The following HDAC9 variants were observed in gnomAD, a reference collection of about 807,000 sequenced individuals.
The protein encoded by HDAC9 is MEF-2 interacting transcription repressor (MITR) protein.
HDAC9 carries 41 observed loss-of-function variants against 139.4 expected under a neutral mutation model. That is an observed-to-expected ratio of 0.29 (90% CI 0.23 to 0.38). The LOEUF (loss-of-function observed/expected upper bound fraction) is 0.38. Ranked by LOEUF, HDAC9 falls within the 10% of genes least tolerant of loss-of-function variation. The pLI, the probability that HDAC9 is intolerant of heterozygous loss-of-function variation, is 1.00. For missense variants in HDAC9, 1,147 were observed against 1,297.0 expected (o/e 0.88, Z 1.78); for synonymous variants, 517 against 476.2 (o/e 1.09, Z -1.12).
At chr7:18,621,408 AAG>A (rs1212768252) in intron 6 of HDAC9, among the ~76,000 whole-genome samples, 1 of 152,070 alleles carries the variant, frequency 6.6e-6, no homozygotes, top group African/African-American at 2.4e-5. Context: ...CACTTTTCAA[AAG>A]ATCATATTGT....
At chr7:18,088,430 G>A (rs6958073) in intron 1 of HDAC9, among the ~76,000 whole-genome samples, 204 of 152,100 alleles carry the variant, frequency 1.3e-3, no homozygotes, top group Non-Finnish European at 2.0e-3. Context: ...AGGCACTGTC[G>A]AAATCTGGAA....
chr7:18,765,346 G>A (rs1481049536), intron 15 of HDAC9, among the ~76,000 whole-genome samples: 1 of 151,982 alleles, frequency 6.6e-6, no homozygotes, highest in Non-Finnish European at 1.5e-5. Context: ...TATTGGCTGG[G>A]CACAGCGGCT....
At position 18,865,506 on chromosome 7, in the gene HDAC9, C is replaced by G. The variant is rs183637410; in HGVS notation, c.2685-8972C>G. 1.3e-4 allele frequency among the ~76,000 whole-genome samples: 20 copies of G among 152,236 alleles called. No individual in the cohort carries two copies. The East Asian group carries it at 3.9e-3, about 29-fold the overall frequency. ...GGGCTGGTGGAGCTAGAGGAGAACA[C>G]CAATTATACCTGGTGTGCTTAGCGC... On this transcript the variant is annotated intron_variant, in intron 21 of 25. Transcript: ENST00000686413.
intron 12 of HDAC9, among the ~76,000 whole-genome samples, chr7:18,685,281 C>T (rs1315167582): frequency 1.3e-5 from 2 of 151,988 alleles, no homozygotes; most frequent in African/African-American, 4.8e-5. Flanking sequence ...TATATCACTC[C>T]CTTTTCCACT....
intron 2 of HDAC9, among the ~76,000 whole-genome samples, chr7:18,264,446 A>G (rs1367597870): frequency 1.3e-5 from 2 of 152,222 alleles, no homozygotes; most frequent in Non-Finnish European, 2.9e-5. Context: ...AAAGCAGGGT[A>G]AACATACATG....
At chr7:18,492,000 C>T (rs993809963), upstream of HDAC9, among the ~76,000 whole-genome samples, 3 of 151,916 alleles carry the variant, frequency 2.0e-5, no homozygotes, top group Non-Finnish European at 2.9e-5. Flanking sequence ...ACTTGGCTCC[C>T]GTAAGTCTCT....
chr7:18,507,170 A>ATATTATTAT (rs59819356), intron 2 of HDAC9, among the ~76,000 whole-genome samples: 8,432 of 144,240 alleles, frequency 0.058, 306 homozygotes, highest in African/African-American at 0.09. Context: ...TATTCATTAC[A>ATATTATTAT]TATTATTATT....
At chr7:18,561,467 C>T (rs561885815) in intron 2 of HDAC9, among the ~76,000 whole-genome samples, 3 of 152,156 alleles carry the variant, frequency 2.0e-5, no homozygotes, top group African/African-American at 7.2e-5. Flanking sequence ...TGAAATTCAC[C>T]CATTTAAAAT....
intron 16 of HDAC9, chr7:18,793,082 T>C (rs1291403954): frequency 4.6e-6 from 2 of 437,190 alleles, no homozygotes; most frequent in Non-Finnish European, 4.2e-6. Context: ...CAGTGAGGCA[T>C]GGCAGGAATG....
chr7:18,175,905 T>A (rs1483138229), intron 2 of HDAC9, among the ~76,000 whole-genome samples: 1 of 151,418 alleles, frequency 6.6e-6, no homozygotes, highest in African/African-American at 2.4e-5. Context: ...TCCAAGAAAA[T>A]GTTCTCTTCA....
intron 1 of HDAC9, among the ~76,000 whole-genome samples, chr7:18,352,312 G>GT (rs1391755002): frequency 6.6e-6 from 1 of 152,152 alleles, no homozygotes; most frequent in Non-Finnish European, 1.5e-5. Flanking sequence ...ACAAAATGAA[G>GT]TAAGATAGAA....
At chr7:18,362,185 A>G (rs1433434468) in intron 1 of HDAC9, among the ~76,000 whole-genome samples, 2 of 152,224 alleles carry the variant, frequency 1.3e-5, no homozygotes, top group African/African-American at 2.4e-5. Context: ...ATACTTGACC[A>G]TGTAGACTTT....
chr7:18,103,060 CT>C (rs1183401780), intron 1 of HDAC9, among the ~76,000 whole-genome samples: 1 of 152,112 alleles, frequency 6.6e-6, no homozygotes, highest in African/African-American at 2.4e-5. Context: ...CGGGGGAGGC[CT>C]CACAATCATG....
chr7:18,509,747 T>G (rs1279792723), intron 2 of HDAC9, among the ~76,000 whole-genome samples: 2 of 151,470 alleles, frequency 1.3e-5, no homozygotes, highest in African/African-American at 2.4e-5. Context: ...ATTACGTGTA[T>G]TTTTTTTCTC....
intron 2 of HDAC9, among the ~76,000 whole-genome samples, chr7:18,174,653 GT>G (rs1788732610): frequency 6.6e-6 from 1 of 151,714 alleles, no homozygotes; most frequent in Admixed American, 6.6e-5. Flanking sequence ...TGTCCTTTCT[GT>G]TGATGTTGAT....
chr7:18,286,716 A>G (rs373477754), upstream of HDAC9, among the ~76,000 whole-genome samples: 2 of 152,168 alleles, frequency 1.3e-5, no homozygotes, highest in Non-Finnish European at 2.9e-5. Flanking sequence ...GAATTCCATC[A>G]TGACTCATCT....
chr7:18,316,696 A>C (rs1799669889), intron 1 of HDAC9, among the ~76,000 whole-genome samples: 1 of 150,608 alleles, frequency 6.6e-6, no homozygotes, highest in African/African-American at 2.4e-5. Flanking sequence ...CAGGTGGTGT[A>C]TTCTCAGCTA....
intron 17 of HDAC9, among the ~76,000 whole-genome samples, chr7:18,799,232 C>G (rs1793086810): frequency 6.6e-6 from 1 of 152,126 alleles, no homozygotes; most frequent in Non-Finnish European, 1.5e-5. Flanking sequence ...AGATTTTACA[C>G]AACGATTTCA....
intron 11 of HDAC9, among the ~76,000 whole-genome samples, chr7:18,648,905 T>C (rs996706326): frequency 3.3e-5 from 5 of 152,308 alleles, no homozygotes; most frequent in Admixed American, 3.3e-4. Flanking sequence ...GATGATACAT[T>C]CACAAGATCT....
Sources: gnomAD v4.1 joint callset for allele counts (sites outside exome capture counted in the v4.1 genomes callset) on GRCh38, gnomAD v4.1.1 for gene constraint, MANE v1.5 for transcripts, NCBI Gene and HGNC (gene_info 2026-07-23, HGNC 2026-07-21) for gene names.